RYR3: variants seen among roughly 807,000 people sequenced by gnomAD.
RYR3 encodes brain ryanodine receptor-calcium release channel.
Under a neutral mutation model 584.3 loss-of-function variants are expected in RYR3, and 207 were observed. The observed-to-expected ratio is 0.35, with a 90% CI of 0.32 to 0.40. RYR3 has a LOEUF of 0.40. Ranked by LOEUF, RYR3 falls within the 10% of genes least tolerant of loss-of-function variation. The probability of loss-of-function intolerance (pLI) is 1.00; values close to 1 mark genes in which losing one functional copy is unlikely to be tolerated. For missense variants in RYR3, 5,616 were observed against 6,089.2 expected, an observed-to-expected ratio of 0.92 and a Z score of 2.59; for synonymous variants, 2,416 against 2,248.5, an observed-to-expected ratio of 1.07 and a Z score of -2.11.
At chr15:33,432,697 T>TGTGTGTGTGTGTGTG (rs1555469372) in intron 1 of RYR3, among the ~76,000 whole-genome samples, 8 of 148,988 alleles carry the variant, frequency 5.4e-5, no homozygotes, top group African/African-American at 1.8e-4. Flanking sequence ...TGTGTGTGTG[T>TGTGTGTGTGTGTGTG]TTAAAGTAGA....
chr15:33,364,252 G>A (rs1975166337), intron 1 of RYR3, among the ~76,000 whole-genome samples: 1 of 151,594 alleles, frequency 6.6e-6, no homozygotes, highest in South Asian at 2.1e-4. Context: ...ATTTCTGTTG[G>A]ACCAGGCTGC....
chr15:33,820,842 C>G, intron 78 of RYR3, 30 bp downstream of exon 78: 1 of 1,421,560 alleles, frequency 7.0e-7, no homozygotes, highest in Middle Eastern at 1.8e-4. Context: ...AAAAATAGAG[C>G]CACCCTCCAA....
chr15:33,810,249 A>T (rs116326741), intron 70 of RYR3, among the ~76,000 whole-genome samples: 1 of 152,206 alleles, frequency 6.6e-6, no homozygotes, highest in Non-Finnish European at 1.5e-5. Flanking sequence ...GTGTTTAGTT[A>T]TGTGGCTCTG....
In RYR3 at chr15:33,772,171, G is replaced by A. The variant is rs759304481; in HGVS notation, c.9055+13G>A. 8.3e-6 allele frequency: 13 copies of A among 1,562,742 alleles called. No individual in the cohort carries two copies. The highest frequency in any genetic ancestry group is 1.7e-5 in the Admixed American group (1 of 59,134). On this transcript the variant is annotated intron_variant, in intron 63 of 103. Transcript: ENST00000634891. The stretch of plus-strand genomic sequence containing the variant: ...ATGGATCTACTCTGTGAGTTCTACT[G>A]GTATTTGTCGTGGATGTATGTGCAC...
At chr15:33,562,795 A>T (rs774053694) in intron 10 of RYR3, 42 bp from the exon 11 acceptor site, 1 of 1,471,790 alleles carries the variant, frequency 6.8e-7, no homozygotes. Context: ...TTCTAATTTA[A>T]TCAGCTATGC....
rs767415424 is a variant in RYR3, at chr15:33,726,517, T to TGACTGCA, written c.7033+13_7033+19dup. The TGACTGCA allele has an allele frequency of 4.0e-5, 63 of 1,578,252 alleles. No individual in the cohort carries two copies. The highest frequency in any genetic ancestry group is 5.2e-5 in the Non-Finnish European group (60 of 1,162,328). ...CCTCCCTCAACAAAGGTAAGGGGAGTGACTGCAGGCTGCAGCAGCAGTCTC... is the reference window on the plus strand; with the variant it reads ...CCTCCCTCAACAAAGGTAAGGGGAGTGACTGCAGACTGCAGGCTGCAGCAGCAGTCTC... On this transcript the variant is annotated intron_variant, in intron 46 of 103. Transcript: ENST00000634891.
chr15:33,629,217 A>C (rs1249426532), intron 21 of RYR3, among the ~76,000 whole-genome samples: 1 of 152,222 alleles, frequency 6.6e-6, no homozygotes, highest in Non-Finnish European at 1.5e-5. Flanking sequence ...CGTGTAGTAC[A>C]GGCATTCAAC....
intron 49 of RYR3, among the ~76,000 whole-genome samples, chr15:33,737,646 A>C (rs1033294078): frequency 6.6e-6 from 1 of 152,222 alleles, no homozygotes; most frequent in Non-Finnish European, 1.5e-5. Context: ...TCTACTCTCT[A>C]GCAGCCCCAG....
In RYR3 at chr15:33,838,808, T is replaced by C; in HGVS notation, c.12828T>C (p.Asp4276=). ...TAAAGGGGGAGAAGGGAGATACAGA[T>C]ATCATGTCAGACCTCTTTGGACTCC... ...HFIKGEKGDT[D]IMSDLFGLHP... is the part of the protein sequence containing the mutation. The change falls in exon 89 of 104, where the codon GAT becomes GAC. Residue 4276 remains aspartate (D), a synonymous_variant. Coordinates refer to ENST00000634891, the MANE Select transcript of RYR3 (RefSeq NM_001036.6). The C allele has an allele frequency of 6.2e-7, 1 of 1,613,912 alleles. No individual in the cohort carries two copies. The highest frequency in any genetic ancestry group is 1.3e-5 in the African/African-American group (1 of 75,014).
intron 8 of RYR3, among the ~76,000 whole-genome samples, chr15:33,547,806 G>A (rs576375792): frequency 6.6e-6 from 1 of 152,270 alleles, no homozygotes; most frequent in Admixed American, 6.5e-5. Context: ...TGTGTCTGCC[G>A]TCATTGTGTA....
At chr15:33,544,276 T>G (rs76751324) in intron 8 of RYR3, among the ~76,000 whole-genome samples, 7 of 152,248 alleles carry the variant, frequency 4.6e-5, no homozygotes, top group South Asian at 4.1e-4. Flanking sequence ...GAGTTTTTTT[T>G]GGGTATTCTA....
At chr15:33,737,175 C>A (rs1214450301) in intron 49 of RYR3, among the ~76,000 whole-genome samples, 3 of 152,142 alleles carry the variant, frequency 2.0e-5, no homozygotes, top group Admixed American at 1.3e-4. Context: ...CTTACTGCAA[C>A]CTTGAGCTCC....
At chr15:33,787,534 AAAC>A (rs2074810505) in intron 66 of RYR3, among the ~76,000 whole-genome samples, 4 of 62,516 alleles carry the variant, frequency 6.4e-5, no homozygotes, top group East Asian at 5.0e-3. Flanking sequence ...AAAAAAACAA[AAAC>A]AAACAAACAA....
At chr15:33,705,878 C>T (rs528554927) in intron 42 of RYR3, among the ~76,000 whole-genome samples, 4 of 152,330 alleles carry the variant, frequency 2.6e-5, no homozygotes, top group East Asian at 1.9e-4. Context: ...GAACATGGCC[C>T]GCCCCCAGTG....
chr15:33,570,294 C>G (rs1239322519), intron 12 of RYR3, among the ~76,000 whole-genome samples: 1 of 152,004 alleles, frequency 6.6e-6, no homozygotes, highest in Non-Finnish European at 1.5e-5. Context: ...TTGCGTGTGG[C>G]CATATGGATA....
chr15:33,475,698 AC>A (rs766257774), intron 2 of RYR3, among the ~76,000 whole-genome samples: 6 of 152,172 alleles, frequency 3.9e-5, no homozygotes, highest in Admixed American at 6.5e-5. Context: ...TGCTGGCTAA[AC>A]CAGGACCTTG....
intron 2 of RYR3, among the ~76,000 whole-genome samples, chr15:33,498,918 T>A (rs1443668930): frequency 6.6e-6 from 1 of 152,180 alleles, no homozygotes; most frequent in Non-Finnish European, 1.5e-5. Context: ...TCAGCACCAT[T>A]TGTTGAAGAG....
chr15:33,431,670 G>T (rs1172000849), intron 1 of RYR3, among the ~76,000 whole-genome samples: 2 of 152,138 alleles, frequency 1.3e-5, no homozygotes, highest in Non-Finnish European at 2.9e-5. Context: ...GGAGGCTGAG[G>T]TTGGAGGATC....
chr15:33,424,720 G>A (rs1420987657), intron 1 of RYR3, among the ~76,000 whole-genome samples: 1 of 152,150 alleles, frequency 6.6e-6, no homozygotes, highest in African/African-American at 2.4e-5. Context: ...GTGATTATCT[G>A]TCATCACATG....
Sources: allele counts gnomAD v4.1 joint callset (sites outside exome capture counted in the v4.1 genomes callset), GRCh38; gene constraint gnomAD v4.1.1; transcripts MANE v1.5; gene names NCBI Gene and HGNC (gene_info 2026-07-23, HGNC 2026-07-21).